NSMCE2: variants seen among roughly 807,000 people sequenced by gnomAD.
NSMCE2 encodes the protein NSE2 SUMO ligase component of SMC5/6 complex, also known as E3 SUMO-protein ligase NSE2.
Under a neutral mutation model 23.8 loss-of-function variants are expected in NSMCE2, and 24 were observed. That is an observed-to-expected ratio of 1.01 (90% CI 0.73 to 1.42). The LOEUF is 1.42. Among genes scored for constraint, NSMCE2 ranks in the 40% most tolerant of loss-of-function variants. The pLI, the probability that NSMCE2 is intolerant of heterozygous loss-of-function variation, is 0.00. For synonymous variants in NSMCE2, 92 were observed against 94.1 expected, an observed-to-expected ratio of 0.98 and a Z score of 0.13; for missense variants, 284 against 296.5, an observed-to-expected ratio of 0.96 and a Z score of 0.31.
intron 3 of NSMCE2, among the ~76,000 whole-genome samples, chr8:125,110,525 C>G (rs1033919599): frequency 6.6e-6 from 1 of 152,128 alleles, no homozygotes; most frequent in Non-Finnish European, 1.5e-5. Flanking sequence ...GCAGTAGGGA[C>G]TGTTGCTGTC....
At chr8:125,266,454 C>G (rs1826922629) in intron 5 of NSMCE2, among the ~76,000 whole-genome samples, 1 of 152,178 alleles carries the variant, frequency 6.6e-6, no homozygotes, top group Non-Finnish European at 1.5e-5. Flanking sequence ...TAGTTCATAA[C>G]AAGAACAAAC....
intron 3 of NSMCE2, among the ~76,000 whole-genome samples, chr8:125,135,013 C>T (rs2130586937): frequency 6.6e-6 from 1 of 152,148 alleles, no homozygotes; most frequent in East Asian, 1.9e-4. Context: ...GCTCAAGCAA[C>T]CCTCCCACCT....
At chr8:125,252,373 A>C (rs906728188) in intron 5 of NSMCE2, among the ~76,000 whole-genome samples, 1 of 152,116 alleles carries the variant, frequency 6.6e-6, no homozygotes, top group Non-Finnish European at 1.5e-5. Context: ...CTAAAAATAC[A>C]AAAATTAGCT....
intron 5 of NSMCE2, among the ~76,000 whole-genome samples, chr8:125,256,120 TA>T (rs1359852404): frequency 6.6e-6 from 1 of 151,782 alleles, no homozygotes; most frequent in African/African-American, 2.4e-5. Flanking sequence ...CTGTCTCTAC[TA>T]AAAATACAAA....
chr8:125,313,528 TC>T (rs1408688682), intron 5 of NSMCE2, among the ~76,000 whole-genome samples: 5 of 152,228 alleles, frequency 3.3e-5, no homozygotes, highest in African/African-American at 1.2e-4. Context: ...CAGGCCTTAC[TC>T]TTGGTAACTC....
In NSMCE2 at chr8:125,102,428, G is replaced by T. The variant is rs772400135; in HGVS notation, c.98G>T (p.Cys33Phe). The change falls in exon 3 of 8, where the codon TGT (cysteine) becomes TTT (phenylalanine). Residue 33 changes from cysteine to phenylalanine, a missense_variant. Cys to Phe is a radical substitution (Grantham distance 205, BLOSUM62 -2). This residue lies in a region of NSMCE2 where 182 missense variants were observed against 155.5 expected (regional missense o/e 1.17). Coordinates refer to ENST00000287437, the MANE Select transcript of NSMCE2 (RefSeq NM_173685.4). ...ALSSLKNFQACINSGMDTASS... is the reference protein window; with the variant it reads ...ALSSLKNFQAFINSGMDTASS... The stretch of plus-strand genomic sequence containing the variant: ...TCCTCCTTGAAAAACTTCCAAGCCT[G>T]TATCAACTCTGGTATGGACACAGCT... 6 of 1,613,810 alleles carry T rather than the reference G, an allele frequency of 3.7e-6. No homozygotes were observed. The highest frequency in any genetic ancestry group is 4.5e-5 in the East Asian group (2 of 44,868).
intron 5 of NSMCE2, among the ~76,000 whole-genome samples, chr8:125,352,860 A>C (rs1813096868): frequency 6.6e-6 from 1 of 152,154 alleles, no homozygotes; most frequent in African/African-American, 2.4e-5. Flanking sequence ...ATTTCTATAA[A>C]TATAGATTGA....
intron 5 of NSMCE2, among the ~76,000 whole-genome samples, chr8:125,194,974 TGTA>T (rs1365091412): frequency 6.6e-6 from 1 of 152,202 alleles, no homozygotes; most frequent in African/African-American, 2.4e-5. Context: ...ATAGGTGACC[TGTA>T]GCAATGGTTC....
intron 5 of NSMCE2, among the ~76,000 whole-genome samples, chr8:125,317,017 A>G (rs1176431002): frequency 1.3e-5 from 2 of 151,160 alleles, no homozygotes; most frequent in Non-Finnish European, 2.9e-5. Context: ...TGGACTTCTC[A>G]TCTCAAGCAG....
intron 5 of NSMCE2, among the ~76,000 whole-genome samples, chr8:125,289,608 C>T (rs1828032031): frequency 6.6e-6 from 1 of 152,182 alleles, no homozygotes; most frequent in South Asian, 2.1e-4. Context: ...GCTCCTTTTA[C>T]ATTTTCAGTG....
At chr8:125,204,151 T>C (rs889199174) in intron 5 of NSMCE2, among the ~76,000 whole-genome samples, 1 of 152,130 alleles carries the variant, frequency 6.6e-6, no homozygotes, top group Admixed American at 6.6e-5. Flanking sequence ...TGACCTTTTT[T>C]CCCCCATGGG....
chr8:125,247,697 C>A (rs1826046609), intron 5 of NSMCE2, among the ~76,000 whole-genome samples: 1 of 149,002 alleles, frequency 6.7e-6, no homozygotes, highest in Non-Finnish European at 1.5e-5. Context: ...TGTACTCCCA[C>A]TGGACAACAA....
chr8:125,170,432 C>G (rs1309320625), intron 4 of NSMCE2, among the ~76,000 whole-genome samples: 3 of 107,714 alleles, frequency 2.8e-5, no homozygotes, highest in Non-Finnish European at 5.1e-5. Context: ...GAGTCTCGCT[C>G]TCTTGGCCTC....
chr8:125,222,701 T>C (rs1824918377), intron 5 of NSMCE2, among the ~76,000 whole-genome samples: 1 of 152,204 alleles, frequency 6.6e-6, no homozygotes. Context: ...ACAGAATTTC[T>C]TTTTAAAGGC....
At chr8:125,313,199 A>G in intron 5 of NSMCE2, among the ~76,000 whole-genome samples, 1 of 148,256 alleles carries the variant, frequency 6.7e-6, no homozygotes, top group Non-Finnish European at 1.5e-5. Context: ...AGAAAGAGAG[A>G]GAGAAAGAAA....
Position 125,162,120 on chromosome 8 carries a change from A to G in NSMCE2, c.264+10843A>G, listed in dbSNP as rs1821659686. Among the ~76,000 whole-genome samples the G allele has an allele frequency of 2.0e-5, 3 of 152,200 alleles. No individual in the cohort carries two copies. In the South Asian group the frequency reaches 6.2e-4, roughly 31 times the overall value. On this transcript the variant is annotated intron_variant, in intron 4 of 7. Transcript: ENST00000287437. ...GTGGAATAAATTCTGGGTGTGCTCA[A>G]AGAGTTCTTCTCTTGCAAAATCAGA...
At chr8:125,314,031 T>G (rs1356358286) in intron 5 of NSMCE2, among the ~76,000 whole-genome samples, 1 of 152,312 alleles carries the variant, frequency 6.6e-6, no homozygotes, top group East Asian at 1.9e-4. Flanking sequence ...AAGATTGGCA[T>G]GTGTTTTTCA....
chr8:125,268,630 T>C (rs1827043401), intron 5 of NSMCE2, among the ~76,000 whole-genome samples: 1 of 152,138 alleles, frequency 6.6e-6, no homozygotes, highest in Non-Finnish European at 1.5e-5. Context: ...AGAAATTGCA[T>C]ATCCAAATTT....
At chr8:125,277,395 T>C (rs1827496054) in intron 5 of NSMCE2, among the ~76,000 whole-genome samples, 1 of 152,186 alleles carries the variant, frequency 6.6e-6, no homozygotes, top group Non-Finnish European at 1.5e-5. Flanking sequence ...TTTCAGGACC[T>C]AAACAATTTT....
Sources: gnomAD v4.1 joint callset for allele counts (sites outside exome capture counted in the v4.1 genomes callset) on GRCh38, gnomAD v4.1.1 for gene constraint, gnomAD v4.1.1 regional missense constraint, MANE v1.5 for transcripts, NCBI Gene and HGNC (gene_info 2026-07-23, HGNC 2026-07-21) for gene names.